Variants in WDR7 observed in about 807,000 individuals in gnomAD.
WDR7 encodes the protein WD repeat-containing protein 7.
A neutral mutation model predicts 169.4 loss-of-function variants in WDR7; 46 were observed. That is an observed-to-expected ratio of 0.27 (90% confidence interval 0.21 to 0.35). The LOEUF (loss-of-function observed/expected upper bound fraction) is 0.35. WDR7 is among the 10% of genes least tolerant of loss of function. WDR7 has a pLI of 1.00. For synonymous variants in WDR7, 612 were observed against 666.8 expected, an observed-to-expected ratio of 0.92 and a Z score of 1.27; for missense variants, 1,534 against 1,859.3, an observed-to-expected ratio of 0.83 and a Z score of 3.22.
At chr18:56,989,008 G>A (rs2047771094) in intron 26 of WDR7, among the ~76,000 whole-genome samples, 1 of 150,388 alleles carries the variant, frequency 6.6e-6, no homozygotes, top group African/African-American at 2.5e-5. Context: ...AGTAATTTTG[G>A]TTTGACTCTT....
At chr18:56,883,003 G>T (rs1014469550) in intron 21 of WDR7, among the ~76,000 whole-genome samples, 1 of 151,986 alleles carries the variant, frequency 6.6e-6, no homozygotes, top group Non-Finnish European at 1.5e-5. Flanking sequence ...TGGGTGGATC[G>T]GGAGGTCAGG....
At chr18:56,922,636 A>T (rs984347128) in intron 21 of WDR7, among the ~76,000 whole-genome samples, 25 of 152,086 alleles carry the variant, frequency 1.6e-4, no homozygotes, top group African/African-American at 5.8e-4. Context: ...GCAGAATTTG[A>T]TGGGTATGAC....
intron 20 of WDR7, among the ~76,000 whole-genome samples, chr18:56,874,896 G>A (rs1243669838): frequency 6.6e-6 from 1 of 151,780 alleles, no homozygotes; most frequent in Non-Finnish European, 1.5e-5. Flanking sequence ...ATACTCTGGT[G>A]TTACCATCTT....
At chr18:56,910,127 A>C (rs913487546) in intron 21 of WDR7, among the ~76,000 whole-genome samples, 2 of 152,198 alleles carry the variant, frequency 1.3e-5, no homozygotes, top group African/African-American at 4.8e-5. Context: ...TTAGGATGGA[A>C]TATTTTCTTC....
intron 21 of WDR7, among the ~76,000 whole-genome samples, chr18:56,881,732 T>C (rs986568006): frequency 1.3e-5 from 2 of 152,054 alleles, no homozygotes; most frequent in Non-Finnish European, 2.9e-5. Flanking sequence ...ATTACAGGTG[T>C]AGGCCACGAT....
At chr18:56,722,455 T>C (rs2144761150) in intron 13 of WDR7, among the ~76,000 whole-genome samples, 1 of 152,306 alleles carries the variant, frequency 6.6e-6, no homozygotes, top group Non-Finnish European at 1.5e-5. Flanking sequence ...TGTATTTCAC[T>C]ATATATTGCC....
intron 16 of WDR7, among the ~76,000 whole-genome samples, chr18:56,774,955 GTT>G (rs1438521781): frequency 6.6e-6 from 1 of 151,830 alleles, no homozygotes; most frequent in African/African-American, 2.4e-5. Context: ...TCGAGAATCT[GTT>G]TTTTTCTTTC....
At chr18:56,829,436 A>G (rs1396678146) in intron 20 of WDR7, among the ~76,000 whole-genome samples, 1 of 152,088 alleles carries the variant, frequency 6.6e-6, no homozygotes, top group Non-Finnish European at 1.5e-5. Context: ...AGTCTCCGTG[A>G]CTGTATTGAT....
intron 12 of WDR7, among the ~76,000 whole-genome samples, chr18:56,706,788 A>G (rs1259460232): frequency 1.4e-5 from 2 of 148,122 alleles, no homozygotes; most frequent in Non-Finnish European, 3.0e-5. Flanking sequence ...CCCAGGTTCA[A>G]GTGATTCTCC....
chr18:56,879,382 G>A (rs1416252074), intron 20 of WDR7, among the ~76,000 whole-genome samples: 1 of 152,064 alleles, frequency 6.6e-6, no homozygotes, highest in Non-Finnish European at 1.5e-5. Flanking sequence ...ATGATGTTTA[G>A]CATCTTTTCA....
At chr18:56,695,246 C>G (rs1247893484) in intron 11 of WDR7, 48 bp downstream of exon 11, 1 of 1,571,994 alleles carries the variant, frequency 6.4e-7, no homozygotes, top group South Asian at 1.2e-5. Context: ...CAACTCTTAC[C>G]CAGAGAGTGA....
chr18:56,687,058 T>G, intron 7 of WDR7, 84 bp downstream of exon 7: 1 of 1,297,684 alleles, frequency 7.7e-7, no homozygotes, highest in Non-Finnish European at 1.1e-6. Context: ...CCTAAAGAAG[T>G]ACTTGGTGCA....
At chr18:56,999,384 G>T (rs1401164908) in intron 26 of WDR7, among the ~76,000 whole-genome samples, 1 of 152,136 alleles carries the variant, frequency 6.6e-6, no homozygotes, top group Non-Finnish European at 1.5e-5. Context: ...TAAATATTAG[G>T]AAATATATAT....
rs746405676 is a variant in WDR7 at position 56,779,389 on chromosome 18, C to A, written c.2948-42C>A. On this transcript the variant is annotated intron_variant, in intron 17 of 27. Transcript: ENST00000254442. ...AAAGAACTGTTGACTTAGGGAATGCCAAAATGGTTAAAGAATTTGTAATAT... is the reference window on the plus strand; with the variant it reads ...AAAGAACTGTTGACTTAGGGAATGCAAAAATGGTTAAAGAATTTGTAATAT... The A allele has an allele frequency of 5.3e-6, 8 of 1,511,466 alleles. No homozygotes were observed. The African/African-American group carries it at 9.8e-5, about 18-fold the overall frequency. The allele number at this position is 1,511,466 out of a possible 1,614,324, so 93.6% of individuals were successfully genotyped here. A position where few individuals can be genotyped will look rare whatever the true frequency, so the allele number is the denominator to read the frequency against.
intron 27 of WDR7, among the ~76,000 whole-genome samples, chr18:57,024,576 ATAGAATTT>A (rs2048333927): frequency 7.0e-6 from 1 of 142,720 alleles, no homozygotes; most frequent in Non-Finnish European, 1.5e-5. Flanking sequence ...TATGTCCCTT[ATAGAATTT>A]CACATATCCC....
chr18:56,658,017 A>G (rs2144422516), intron 1 of WDR7, among the ~76,000 whole-genome samples: 1 of 152,194 alleles, frequency 6.6e-6, no homozygotes, highest in African/African-American at 2.4e-5. Flanking sequence ...TGGTCAGTTT[A>G]GGGGAGGGAA....
chr18:56,671,887 G>A (rs2025143892), intron 1 of WDR7, among the ~76,000 whole-genome samples: 1 of 152,088 alleles, frequency 6.6e-6, no homozygotes. Context: ...AGAATTTCTG[G>A]GACTTAGAAA....
At chr18:56,771,706 AC>A (rs1436490770) in intron 16 of WDR7, among the ~76,000 whole-genome samples, 1 of 151,492 alleles carries the variant, frequency 6.6e-6, no homozygotes, top group Non-Finnish European at 1.5e-5. Context: ...ACTTGGAGAA[AC>A]CCCATCTCTA....
At chr18:56,815,150 A>C (rs1052916094) in intron 19 of WDR7, among the ~76,000 whole-genome samples, 1 of 152,240 alleles carries the variant, frequency 6.6e-6, no homozygotes. Context: ...TAAAATATTT[A>C]AATGGATTCT....
Sources: allele counts gnomAD v4.1 joint callset (sites outside exome capture counted in the v4.1 genomes callset), GRCh38; gene constraint gnomAD v4.1.1; transcripts MANE v1.5; gene names NCBI Gene and HGNC (gene_info 2026-07-23, HGNC 2026-07-21).